Variants in CMTM4 observed in about 807,000 individuals in gnomAD.
The protein encoded by CMTM4 is CKLF like MARVEL transmembrane domain containing 4, also known as CKLF-like MARVEL transmembrane domain-containing protein 4.
In CMTM4, 8 loss-of-function variants were observed where a neutral mutation model predicts 19.0. That is an observed-to-expected ratio of 0.42 (90% CI 0.25 to 0.76). The LOEUF is 0.76. Among genes scored for constraint, CMTM4 ranks in the 30% least tolerant of loss-of-function variants. CMTM4 has a pLI of 0.27. For synonymous variants in CMTM4, 106 were observed against 121.1 expected (o/e 0.88, Z 0.82); for missense variants, 228 against 290.2 (o/e 0.79, Z 1.56).
Position 66,664,430 on chromosome 16 carries a change from G to GGA in CMTM4, c.187-27850_187-27849insTC, listed in dbSNP as rs527364896. Among the ~76,000 whole-genome samples, 547 of 152,148 alleles carry GGA rather than the reference G, an allele frequency of 3.6e-3. 4 individuals are homozygous for GGA. The Middle Eastern group carries it at 0.045, about 12-fold the overall frequency. On this transcript the variant is annotated intron_variant, in intron 1 of 3. Coordinates refer to ENST00000394106, the MANE Select transcript of CMTM4 (RefSeq NM_181521.3). ...GTAAACATAATATACAATTCTTCTC[G>GGA]AGTTATTTCAAGTATGCATGATGGT...
At chr16:66,676,347 T>C (rs2016810793) in intron 1 of CMTM4, among the ~76,000 whole-genome samples, 2 of 152,152 alleles carry the variant, frequency 1.3e-5, no homozygotes, top group South Asian at 2.1e-4. Context: ...CCCATAACCA[T>C]ATAACGGACA....
intron 1 of CMTM4, among the ~76,000 whole-genome samples, chr16:66,686,371 G>T (rs1246104351): frequency 6.6e-6 from 1 of 151,614 alleles, no homozygotes; most frequent in Non-Finnish European, 1.5e-5. Context: ...AGACCAGCCT[G>T]GCCAACATGG....
Position 66,618,905 on chromosome 16 carries a change from A to G in CMTM4, c.*3153T>C. Reference sequence around the variant, plus strand: ...GGGTGCCGCTGGCTTCCCAGGGCCAAGCGCTCAGAGCTGGGCCGGACTTGC... The same window carrying G: ...GGGTGCCGCTGGCTTCCCAGGGCCAGGCGCTCAGAGCTGGGCCGGACTTGC... On this transcript the variant is annotated 3_prime_UTR_variant, in exon 4 of 4. Coordinates refer to ENST00000394106, the MANE Select transcript of CMTM4 (RefSeq NM_181521.3). 2.0e-6 allele frequency: 2 copies of G among 985,534 alleles called. No individual in the cohort carries two copies. Among genetic ancestry groups the G allele is most frequent in the Non-Finnish European group, 2.4e-6 (2 of 829,974 alleles). The allele number at this position is 985,534 out of a possible 1,614,324, so 61.0% of individuals were successfully genotyped here.
intron 1 of CMTM4, among the ~76,000 whole-genome samples, chr16:66,664,947 A>G (rs1458146097): frequency 6.6e-6 from 1 of 151,446 alleles, no homozygotes; most frequent in East Asian, 2.0e-4. Context: ...TGGGTGACAG[A>G]GCAAAACCCT....
Position 66,618,177 on chromosome 16 carries a change from G to C in CMTM4, c.*3881C>G. 3 of 985,462 alleles carry C rather than the reference G, an allele frequency of 3.0e-6. No individual in the cohort carries two copies. Among genetic ancestry groups the C allele is most frequent in the Non-Finnish European group, 3.6e-6 (3 of 829,932 alleles). 61.0% of individuals were successfully genotyped at this position (985,462 alleles called of 1,614,324 possible). On this transcript the variant is annotated 3_prime_UTR_variant, in exon 4 of 4. Coordinates refer to ENST00000394106, the MANE Select transcript of CMTM4 (RefSeq NM_181521.3). The stretch of plus-strand genomic sequence containing the variant: ...CTAGAGACTTCACAAGCTAATGGCA[G>C]TCCCTGGAGCAGGAAGCAACTTGTT...
intron 1 of CMTM4, among the ~76,000 whole-genome samples, chr16:66,695,850 ATACT>A (rs1369574976): frequency 2.6e-5 from 4 of 152,148 alleles, no homozygotes; most frequent in Admixed American, 6.5e-5. Context: ...CATCCAGCAA[ATACT>A]TACTAAGCGC....
intron 1 of CMTM4, among the ~76,000 whole-genome samples, chr16:66,674,448 A>G (rs1484050731): frequency 1.3e-5 from 2 of 152,192 alleles, no homozygotes; most frequent in Non-Finnish European, 2.9e-5. Flanking sequence ...ACACCCAGAC[A>G]GGGACAACTA....
chr16:66,603,670 G>T, the CMTM4 span, among the ~76,000 whole-genome samples: 1 of 152,150 alleles, frequency 6.6e-6, no homozygotes, highest in African/African-American at 2.4e-5. Context: ...TTCTAAGATG[G>T]AGTTAGTTAT....
intron 1 of CMTM4, among the ~76,000 whole-genome samples, chr16:66,656,503 A>C (rs2016399763): frequency 6.6e-6 from 1 of 152,060 alleles, no homozygotes; most frequent in African/African-American, 2.4e-5. Context: ...AGCTGGGACC[A>C]CAGGCATGCC....
At chr16:66,676,112 A>G (rs2016805961) in intron 1 of CMTM4, among the ~76,000 whole-genome samples, 1 of 152,228 alleles carries the variant, frequency 6.6e-6, no homozygotes, top group African/African-American at 2.4e-5. Flanking sequence ...TATCATAGAC[A>G]GTAAGGCAAA....
At chr16:66,631,325 C>CCCGGCCAGCCGCCCCGT (rs1479098218) in intron 2 of CMTM4, among the ~76,000 whole-genome samples, 3 of 149,494 alleles carry the variant, frequency 2.0e-5, no homozygotes, top group African/African-American at 7.4e-5. Flanking sequence ...TCAGCCCCCG[C>CCCGGCCAGCCGCCCCGT]CCGGCCAGCC....
chr16:66,695,347 A>G (rs111643100), intron 1 of CMTM4, among the ~76,000 whole-genome samples: 2 of 151,802 alleles, frequency 1.3e-5, no homozygotes, highest in African/African-American at 4.8e-5. Context: ...GGTCTCAAAA[A>G]AGAGAGAGAG....
intron 1 of CMTM4, among the ~76,000 whole-genome samples, chr16:66,661,529 G>A (rs1184436668): frequency 6.6e-6 from 1 of 152,144 alleles, no homozygotes; most frequent in Non-Finnish European, 1.5e-5. Context: ...AAGTCTGTTC[G>A]CTAATATGAA....
intron 1 of CMTM4, among the ~76,000 whole-genome samples, chr16:66,665,754 T>C (rs1355641196): frequency 6.7e-6 from 1 of 148,864 alleles, no homozygotes; most frequent in Non-Finnish European, 1.5e-5. Flanking sequence ...CCAGCCTGGG[T>C]GAGACAGAGC....
intron 1 of CMTM4, among the ~76,000 whole-genome samples, chr16:66,682,053 T>G (rs1211528969): frequency 6.6e-6 from 1 of 152,310 alleles, no homozygotes; most frequent in East Asian, 1.9e-4. Context: ...CAATGGTTTG[T>G]GTACTTTTGT....
rs568161293 is a variant in CMTM4 at position 66,672,116 on chromosome 16, A to G, written c.186+24224T>C. Among the ~76,000 whole-genome samples the G allele has an allele frequency of 3.3e-5, 5 of 152,172 alleles. No homozygotes were observed. In the South Asian group the frequency reaches 1.0e-3, roughly 32 times the overall value. On this transcript the variant is annotated intron_variant, in intron 1 of 3. Transcript: ENST00000394106. The stretch of plus-strand genomic sequence containing the variant: ...AAAAGTAATTGTAGTTTTTGTCATT[A>G]AAAGTAATGACCAGGCCGGGCACAG...
At chr16:66,654,357 C>T (rs1485766287) in intron 1 of CMTM4, among the ~76,000 whole-genome samples, 1 of 152,138 alleles carries the variant, frequency 6.6e-6, no homozygotes, top group Non-Finnish European at 1.5e-5. Context: ...ACTGCTCCCC[C>T]TTGCCATCCT....
At chr16:66,645,727 C>T (rs11863938) in intron 1 of CMTM4, among the ~76,000 whole-genome samples, 10,420 of 152,064 alleles carry the variant, frequency 0.069, 1,097 homozygotes, top group African/African-American at 0.22. Context: ...GCCTGTAATC[C>T]CAGCACTTTG....
intron 1 of CMTM4, among the ~76,000 whole-genome samples, chr16:66,657,602 T>C (rs923145441): frequency 2.6e-5 from 4 of 152,138 alleles, no homozygotes; most frequent in African/African-American, 9.7e-5. Context: ...AAATTAACAT[T>C]TGGAGAATCT....
Sources: gnomAD v4.1 joint callset for allele counts (sites outside exome capture counted in the v4.1 genomes callset) on GRCh38, gnomAD v4.1.1 for gene constraint, MANE v1.5 for transcripts, NCBI Gene and HGNC (gene_info 2026-07-23, HGNC 2026-07-21) for gene names.